The following PTPRD variants were observed in gnomAD, a reference collection of about 807,000 sequenced individuals.
PTPRD encodes the protein receptor-type tyrosine-protein phosphatase delta.
Under a neutral mutation model 214.5 loss-of-function variants are expected in PTPRD, and 34 were observed. That is an observed-to-expected ratio of 0.16 (90% CI 0.12 to 0.21). PTPRD has a LOEUF of 0.21. PTPRD is among the 10% of genes least tolerant of loss of function. The pLI, the probability that PTPRD is intolerant of heterozygous loss-of-function variation, is 1.00. For synonymous variants in PTPRD, 1,128 were observed against 845.7 expected, an observed-to-expected ratio of 1.33 and a Z score of -5.79; for missense variants, 2,545 against 2,398.7, an observed-to-expected ratio of 1.06 and a Z score of -1.27.
At chr9:9,642,898 T>A (rs1425335006) in intron 7 of PTPRD, among the ~76,000 whole-genome samples, 1 of 152,232 alleles carries the variant, frequency 6.6e-6, no homozygotes, top group Non-Finnish European at 1.5e-5. Flanking sequence ...AAAACAGAGC[T>A]GTGATTTGTA....
chr9:10,183,173 C>T (rs1371014221), intron 3 of PTPRD, among the ~76,000 whole-genome samples: 2 of 151,988 alleles, frequency 1.3e-5, no homozygotes, highest in African/African-American at 2.4e-5. Context: ...GAAGTGTTTG[C>T]CATTTTTTTA....
intron 10 of PTPRD, among the ~76,000 whole-genome samples, chr9:9,167,322 TG>T (rs1427875543): frequency 6.9e-6 from 1 of 144,742 alleles, no homozygotes. Context: ...TCATGCTATA[TG>T]GGGTTTGTGT....
At chr9:9,407,893 G>C (rs923421229) in intron 8 of PTPRD, among the ~76,000 whole-genome samples, 14 of 151,746 alleles carry the variant, frequency 9.2e-5, no homozygotes, top group African/African-American at 3.4e-4. Flanking sequence ...GTAAAATTTT[G>C]GTTAGATATA....
At chr9:9,603,506 C>T (rs922252901) in intron 7 of PTPRD, among the ~76,000 whole-genome samples, 2 of 152,134 alleles carry the variant, frequency 1.3e-5, no homozygotes, top group Non-Finnish European at 2.9e-5. Flanking sequence ...CTGTCAGGAA[C>T]CAGGCGGCAT....
At chr9:8,638,525 A>G in intron 12 of PTPRD, among the ~76,000 whole-genome samples, 1 of 152,362 alleles carries the variant, frequency 6.6e-6, no homozygotes, top group East Asian at 1.9e-4. Context: ...GACATATGAA[A>G]TAAATTAATT....
At chr9:9,613,418 G>C (rs1345778764) in intron 7 of PTPRD, among the ~76,000 whole-genome samples, 1 of 151,776 alleles carries the variant, frequency 6.6e-6, no homozygotes, top group Non-Finnish European at 1.5e-5. Flanking sequence ...TTGTCCCTGG[G>C]TGTGATAGAT....
rs190744474 is a variant in PTPRD at position 8,591,166 on chromosome 9, A to C, written c.352+42151T>G. On this transcript the variant is annotated intron_variant, in intron 14 of 45. Transcript: ENST00000381196. ...AGGCTCACCTGGATAACCCAGAATAATCTCCCTCACTTAAGGACAAATGAA... is the reference window on the plus strand; with the variant it reads ...AGGCTCACCTGGATAACCCAGAATACTCTCCCTCACTTAAGGACAAATGAA... Among the ~76,000 whole-genome samples, 14 of 152,288 alleles carry C rather than the reference A, an allele frequency of 9.2e-5. No homozygotes were observed. The East Asian group carries it at 2.5e-3, about 27-fold the overall frequency.
At chr9:9,292,512 G>A (rs2134170229) in intron 9 of PTPRD, among the ~76,000 whole-genome samples, 1 of 151,354 alleles carries the variant, frequency 6.6e-6, no homozygotes, top group South Asian at 2.1e-4. Context: ...ATAGTACAAA[G>A]AGTTCTCATA....
intron 5 of PTPRD, among the ~76,000 whole-genome samples, chr9:9,823,225 G>A (rs991010266): frequency 5.3e-5 from 8 of 152,068 alleles, no homozygotes; most frequent in African/African-American, 1.9e-4. Context: ...GAAGCACAGT[G>A]CCTCCATCTG....
intron 2 of PTPRD, among the ~76,000 whole-genome samples, chr9:10,572,448 A>C (rs1481116817): frequency 6.6e-6 from 1 of 152,200 alleles, no homozygotes; most frequent in African/African-American, 2.4e-5. Flanking sequence ...CTTTGAAGAA[A>C]GTGATTTGAC....
At chr9:10,523,616 T>TAGAGAGAGAGAGAGAGAGAG (rs1273686911) in intron 2 of PTPRD, among the ~76,000 whole-genome samples, 2 of 100,634 alleles carry the variant, frequency 2.0e-5, no homozygotes, top group Admixed American at 1.2e-4. Flanking sequence ...TATATATATA[T>TAGAGAGAGAGAGAGAGAGAG]ATATATAGAC....
At chr9:8,338,835 A>C in intron 43 of PTPRD, 87 bp downstream of exon 43, 1 of 1,026,402 alleles carries the variant, frequency 9.7e-7, no homozygotes. Flanking sequence ...GTCAAGTGGC[A>C]AGTGCTTCTC....
chr9:9,863,856 A>G (rs1157170854), intron 5 of PTPRD, among the ~76,000 whole-genome samples: 3 of 151,394 alleles, frequency 2.0e-5, no homozygotes, highest in African/African-American at 4.9e-5. Context: ...AAAAAGCAGT[A>G]CAAAGAAATG....
chr9:8,438,511 T>G (rs1430396293), intron 34 of PTPRD, among the ~76,000 whole-genome samples: 2 of 152,140 alleles, frequency 1.3e-5, no homozygotes, highest in African/African-American at 4.8e-5. Context: ...TTACATTCTA[T>G]GGAGGAAGTG....
chr9:9,870,818 T>C lies in PTPRD; in HGVS notation c.-368+67689A>G, dbSNP rs573747014. On this transcript the variant is annotated intron_variant, in intron 5 of 45. Coordinates refer to ENST00000381196, the MANE Select transcript of PTPRD (RefSeq NM_002839.4). ...AGATAAAGGGAAAGAGAAGGTAGGA[T>C]AGACACTTAGTGTTGAAATATCTTA... Among the ~76,000 whole-genome samples the C allele has an allele frequency of 1.1e-4, 16 of 152,226 alleles. No homozygotes were observed. The South Asian group carries it at 2.9e-3, about 28-fold the overall frequency.
rs770695485 is a variant in PTPRD at position 8,436,716 on chromosome 9, C to T, written c.3989-27G>A. On this transcript the variant is annotated intron_variant, in intron 34 of 45. Coordinates refer to ENST00000381196, the MANE Select transcript of PTPRD (RefSeq NM_002839.4). ...TATTGAAAAAAGCAAAGAAGAAACA[C>T]ATTTGAAAACAAATGAAAATGATGC... 12 of 1,534,490 alleles carry T rather than the reference C, an allele frequency of 7.8e-6. No individual in the cohort carries two copies. In the East Asian group the frequency reaches 9.0e-5, roughly 12 times the overall value.
intron 6 of PTPRD, among the ~76,000 whole-genome samples, chr9:9,757,932 G>A (rs1247967217): frequency 2.6e-5 from 4 of 151,742 alleles, no homozygotes; most frequent in African/African-American, 7.3e-5. Flanking sequence ...TTCCTGGGGG[G>A]TTCCTAGAAC....
At chr9:10,009,439 T>C (rs931976175) in intron 4 of PTPRD, among the ~76,000 whole-genome samples, 5 of 151,916 alleles carry the variant, frequency 3.3e-5, no homozygotes, top group Non-Finnish European at 7.4e-5. Flanking sequence ...TTCCAGGTCA[T>C]AGGTGGATTC....
intron 2 of PTPRD, among the ~76,000 whole-genome samples, chr9:10,346,859 G>T (rs578188550): frequency 6.6e-6 from 1 of 152,260 alleles, no homozygotes; most frequent in South Asian, 2.1e-4. Context: ...TACAGCAAGG[G>T]TCATAGCTCT....
Sources: gnomAD v4.1 joint callset for allele counts (sites outside exome capture counted in the v4.1 genomes callset) on GRCh38, gnomAD v4.1.1 for gene constraint, MANE v1.5 for transcripts, NCBI Gene and HGNC (gene_info 2026-07-23, HGNC 2026-07-21) for gene names.